Variants in SDR16C5 observed in about 807,000 individuals in gnomAD.
SDR16C5 encodes short chain dehydrogenase/reductase family 16C member 5, also known as epidermal retinol dehydrogenase 2.
A neutral mutation model predicts 27.7 loss-of-function variants in SDR16C5; 20 were observed. That is an observed-to-expected ratio of 0.72 (90% CI 0.51 to 1.05). The LOEUF (loss-of-function observed/expected upper bound fraction) is 1.05, where lower values mean the gene tolerates loss of function less well. SDR16C5 is among the 50% of genes least tolerant of loss of function. The probability of loss-of-function intolerance (pLI) is 0.00; values close to 1 mark genes in which losing one functional copy is unlikely to be tolerated. For missense variants in SDR16C5, 374 were observed against 366.3 expected, an observed-to-expected ratio of 1.02 and a Z score of -0.17; for synonymous variants, 139 against 132.3, an observed-to-expected ratio of 1.05 and a Z score of -0.35.
At chr8:56,319,751 G>A (rs151207000) in intron 1 of SDR16C5, among the ~76,000 whole-genome samples, 8 of 152,302 alleles carry the variant, frequency 5.3e-5, no homozygotes, top group African/African-American at 1.9e-4. Flanking sequence ...CCGAAGAAGA[G>A]GGTCCGGGGA....
rs1229294432 is a variant in SDR16C5, at chr8:56,309,813, T to G, written c.466-786A>C. 2.6e-5 allele frequency among the ~76,000 whole-genome samples: 4 copies of G among 152,220 alleles called. No individual in the cohort carries two copies. The East Asian group carries it at 7.8e-4, about 30-fold the overall frequency. ...AAAGGAAGCAGTGCAGCAAACACTCTGGGGTCTGCCATGAGTTGGGACACT... is the reference window on the plus strand; with the variant it reads ...AAAGGAAGCAGTGCAGCAAACACTCGGGGGTCTGCCATGAGTTGGGACACT... On this transcript the variant is annotated intron_variant, in intron 3 of 6. Coordinates refer to ENST00000303749, the MANE Select transcript of SDR16C5 (RefSeq NM_138969.4).
Position 56,316,064 on chromosome 8 carries a change from T to C in SDR16C5, c.284A>G (p.Tyr95Cys), listed in dbSNP as rs758333061. 4 of 1,614,180 alleles carry C rather than the reference T, an allele frequency of 2.5e-6. No individual in the cohort carries two copies. Among genetic ancestry groups the C allele is most frequent in the East Asian group, 2.2e-5 (1 of 44,868 alleles). Residue 95 changes from tyrosine to cysteine, a missense_variant, in exon 2 of 7, where the codon TAT becomes TGT. By Grantham distance (194) the Tyr-to-Cys change is radical. Coordinates refer to ENST00000303749, the MANE Select transcript of SDR16C5 (RefSeq NM_138969.4). ...REAGATRVHA[Y>C]TCDCSQKEGV... ...TTCCTTTTGGCTGCAATCGCAGGTA[T>C]AGGCGTGCACTCTTGTGGCTCCAGC...
In SDR16C5 at chr8:56,300,398, A is replaced by T. The variant is rs1327392302; in HGVS notation, c.*1082T>A. 1 of 152,110 alleles carries T rather than the reference A, an allele frequency of 6.6e-6. No individual in the cohort carries two copies. The highest frequency in any genetic ancestry group is 1.5e-5 in the Non-Finnish European group (1 of 68,032). 9.4% of individuals were successfully genotyped at this position (152,110 alleles called of 1,614,324 possible). ...GCTCATCCCCTCCTTGCTCCCCACA[A>T]GAGGGAAGAGACAAAGGCTGCTGTT... On this transcript the variant is annotated 3_prime_UTR_variant, in exon 7 of 7. Transcript: ENST00000303749.
At chr8:56,319,767 C>T (rs758704713) in intron 1 of SDR16C5, among the ~76,000 whole-genome samples, 1 of 152,192 alleles carries the variant, frequency 6.6e-6, no homozygotes, top group African/African-American at 2.4e-5. Flanking sequence ...GGGGAGGCAT[C>T]CTGCCCTCTG....
chr8:56,314,686 C>T (rs749432090), intron 2 of SDR16C5, among the ~76,000 whole-genome samples: 28 of 152,068 alleles, frequency 1.8e-4, no homozygotes, highest in South Asian at 6.2e-4. Flanking sequence ...CTGTACTGGG[C>T]AGCCTGTGTT....
At chr8:56,319,178 G>C (rs999291310) in intron 1 of SDR16C5, among the ~76,000 whole-genome samples, 14 of 149,644 alleles carry the variant, frequency 9.4e-5, no homozygotes, top group Non-Finnish European at 3.0e-5. Context: ...CGGGGTGCAA[G>C]GGGTTGGGGA....
intron 3 of SDR16C5, among the ~76,000 whole-genome samples, chr8:56,310,030 G>T (rs1481327405): frequency 6.6e-6 from 1 of 150,774 alleles, no homozygotes; most frequent in East Asian, 1.9e-4. Flanking sequence ...AGCACTGAAG[G>T]AAGAGGAGGA....
At chr8:56,312,044 C>G (rs1318900078) in intron 3 of SDR16C5, 113 bp downstream of exon 3, 13 of 891,972 alleles carry the variant, frequency 1.5e-5, no homozygotes, top group Non-Finnish European at 1.7e-5. Context: ...AAGTCCAAAA[C>G]TGAGAAGTCT....
chr8:56,305,782 A>T, intron 5 of SDR16C5, 60 bp from the exon 6 acceptor site: 1 of 1,517,688 alleles, frequency 6.6e-7, no homozygotes, highest in Non-Finnish European at 8.8e-7. Context: ...ATAAATAAAG[A>T]TAATTTTTCA....
intron 1 of SDR16C5, among the ~76,000 whole-genome samples, chr8:56,317,288 T>G (rs1320250197): frequency 6.6e-6 from 1 of 152,090 alleles, no homozygotes; most frequent in Non-Finnish European, 1.5e-5. Context: ...CAAGAAGGCA[T>G]CCACTAGGTC....
chr8:56,319,742 CGAA>C (rs1246567463), intron 1 of SDR16C5, among the ~76,000 whole-genome samples: 1 of 152,106 alleles, frequency 6.6e-6, no homozygotes, highest in East Asian at 1.9e-4. Flanking sequence ...CAGAACGGAC[CGAA>C]GAAGAGGGTC....
At chr8:56,315,980 G>A (rs745832982) in intron 2 of SDR16C5, 35 bp downstream of exon 2, 2 of 1,414,584 alleles carry the variant, frequency 1.4e-6, no homozygotes, top group Non-Finnish European at 2.0e-6. Context: ...AGTGTGATGT[G>A]TATCAAATTA....
At chr8:56,301,911 A>G (rs1339411463) in intron 6 of SDR16C5, among the ~76,000 whole-genome samples, 3 of 151,996 alleles carry the variant, frequency 2.0e-5, no homozygotes, top group Non-Finnish European at 4.4e-5. Context: ...CCTGGCTGGA[A>G]TCCTAGCTCT....
intron 3 of SDR16C5, among the ~76,000 whole-genome samples, chr8:56,310,859 G>A (rs947662123): frequency 6.6e-6 from 1 of 152,152 alleles, no homozygotes; most frequent in Non-Finnish European, 1.5e-5. Flanking sequence ...ATCATTTGCA[G>A]TAGTTCTTGT....
At chr8:56,311,114 C>G (rs746868825) in intron 3 of SDR16C5, among the ~76,000 whole-genome samples, 1 of 152,162 alleles carries the variant, frequency 6.6e-6, no homozygotes, top group Non-Finnish European at 1.5e-5. Context: ...CCAGGAATGA[C>G]GAGCTACGAG....
rs768577847 is a variant in SDR16C5, at chr8:56,312,279, C to T, written c.343G>A (p.Glu115Lys). 23 of 1,613,696 alleles carry T rather than the reference C, an allele frequency of 1.4e-5. No individual in the cohort carries two copies. Among genetic ancestry groups the T allele is most frequent in the Admixed American group, 8.3e-5 (5 of 59,992 alleles). Residue 115 changes from glutamate to lysine, a missense_variant, in exon 3 of 7, where the codon GAA (glutamate) becomes AAA (lysine). Physicochemically the swap from Glu to Lys is moderately conservative, Grantham distance 56. Coordinates refer to ENST00000303749, the MANE Select transcript of SDR16C5 (RefSeq NM_138969.4). The part of the protein sequence containing the change: ...VYRVADQVKK[E>K]VGDVSILINN... ...ATTAGGATGGAAACATCGCCGACTT[C>T]TTTTTTAACCTGAATTGAATAAGAG...
rs769531052 is a variant in SDR16C5, at chr8:56,312,166, T to C, written c.456A>G (p.Ala152=). 1 of 1,612,266 alleles carries C rather than the reference T, an allele frequency of 6.2e-7. No homozygotes were observed. The highest frequency in any genetic ancestry group is 8.5e-7 in the Non-Finnish European group (1 of 1,178,432). ...MEKSFDVNFK[A]HLWTYKAFLP... ...AAGAAACAATTATTACCCATAAATG[T>C]GCTTTGAAATTCACATCAAATGACT... is the stretch of plus-strand genomic sequence containing the variant. The change falls in exon 3 of 7, where the codon GCA becomes GCG. Residue 152 remains alanine (A), a synonymous_variant. Transcript: ENST00000303749.
At chr8:56,310,115 GA>G (rs1814989132) in intron 3 of SDR16C5, among the ~76,000 whole-genome samples, 1 of 112,024 alleles carries the variant, frequency 8.9e-6, no homozygotes, top group Non-Finnish European at 1.9e-5. Flanking sequence ...AGGAGGAGGA[GA>G]AGGAAGGAGG....
Position 56,316,260 on chromosome 8 carries a change from A to G in SDR16C5, c.88T>C (p.Leu30=). ...ACGTTCTTCCGTGGCTTTGGGAGTA[A>G]GGCAAAAATCATAGCCTCCAGAAGA... ...FSLLEAMIFA[L]LPKPRKNVAG... is the part of the protein sequence containing the mutation. The change falls in exon 2 of 7, where the codon TTA becomes CTA. Residue 30 remains leucine (L), a synonymous_variant. Transcript: ENST00000303749. The G allele has an allele frequency of 6.2e-7, 1 of 1,614,006 alleles. No individual in the cohort carries two copies. The highest frequency in any genetic ancestry group is 1.1e-5 in the South Asian group (1 of 91,078).
Sources: allele counts gnomAD v4.1 joint callset (sites outside exome capture counted in the v4.1 genomes callset), GRCh38; gene constraint gnomAD v4.1.1; transcripts MANE v1.5; gene names NCBI Gene and HGNC (gene_info 2026-07-23, HGNC 2026-07-21).